ZNF804A: variants seen among roughly 807,000 people sequenced by gnomAD.
The protein encoded by ZNF804A is zinc finger protein 804A.
A neutral mutation model predicts 16.5 loss-of-function variants in ZNF804A; 2 were observed. That is an observed-to-expected ratio of 0.12 (90% confidence interval 0.05 to 0.38). ZNF804A has a LOEUF of 0.38. ZNF804A is among the 10% of genes least tolerant of loss of function. ZNF804A has a pLI of 0.99. For missense variants in ZNF804A, 1,473 were observed against 1,390.7 expected, an observed-to-expected ratio of 1.06 and a Z score of -0.94; for synonymous variants, 534 against 489.6, an observed-to-expected ratio of 1.09 and a Z score of -1.20.
At chr2:184,702,588 C>G (rs1434399774) in intron 1 of ZNF804A, among the ~76,000 whole-genome samples, 1 of 152,036 alleles carries the variant, frequency 6.6e-6, no homozygotes, top group Non-Finnish European at 1.5e-5. Flanking sequence ...AAAATTTTAA[C>G]TACCACCTTG....
chr2:184,705,132 AT>A (rs1291990039), intron 1 of ZNF804A, among the ~76,000 whole-genome samples: 1 of 152,180 alleles, frequency 6.6e-6, no homozygotes, highest in African/African-American at 2.4e-5. Flanking sequence ...TGCCTGGATG[AT>A]AGGAAATATG....
intron 1 of ZNF804A, among the ~76,000 whole-genome samples, chr2:184,812,006 G>C (rs1187234740): frequency 6.6e-6 from 1 of 152,154 alleles, no homozygotes; most frequent in Non-Finnish European, 1.5e-5. Flanking sequence ...ACTTATTGTA[G>C]TTTGAGTTGT....
chr2:184,757,012 G>A (rs553323657), intron 1 of ZNF804A, among the ~76,000 whole-genome samples: 9 of 151,972 alleles, frequency 5.9e-5, no homozygotes, highest in African/African-American at 1.9e-4. Flanking sequence ...TTTCCTCTAC[G>A]TCTGGTTTAA....
chr2:184,600,303 C>A (rs1264788654), intron 1 of ZNF804A, among the ~76,000 whole-genome samples: 1 of 152,154 alleles, frequency 6.6e-6, no homozygotes, highest in Non-Finnish European at 1.5e-5. Flanking sequence ...CATTTAATTT[C>A]ATTCTTTTTA....
chr2:184,837,900 T>C (rs1395261343), intron 1 of ZNF804A, among the ~76,000 whole-genome samples: 1 of 152,108 alleles, frequency 6.6e-6, no homozygotes, highest in African/African-American at 2.4e-5. Flanking sequence ...ACAAGATTTA[T>C]TAGCCTTAGT....
At chr2:184,847,936 G>A (rs529423705) in intron 1 of ZNF804A, among the ~76,000 whole-genome samples, 1 of 152,216 alleles carries the variant, frequency 6.6e-6, no homozygotes, top group East Asian at 1.9e-4. Flanking sequence ...GTATGGGGAA[G>A]GGTTGTGGAG....
intron 2 of ZNF804A, among the ~76,000 whole-genome samples, chr2:184,911,100 T>C (rs2115621): frequency 0.42 from 64,387 of 151,536 alleles, 16,611 homozygotes; most frequent in East Asian, 0.82. Context: ...ACGATTCTTA[T>C]AGTTTGAAGT....
chr2:184,609,271 A>G (rs1691199897), intron 1 of ZNF804A, among the ~76,000 whole-genome samples: 1 of 152,102 alleles, frequency 6.6e-6, no homozygotes, highest in African/African-American at 2.4e-5. Flanking sequence ...ATAGGACTGT[A>G]TGGGCAGCAC....
intron 1 of ZNF804A, among the ~76,000 whole-genome samples, chr2:184,654,880 C>T (rs1213206413): frequency 6.6e-6 from 1 of 152,160 alleles, no homozygotes; most frequent in Non-Finnish European, 1.5e-5. Context: ...AAGGATCTAT[C>T]ATAAAGTACC....
In ZNF804A at chr2:184,715,546, C is replaced by A. The variant is rs867903813; in HGVS notation, c.111+116476C>A. ...AGGACTACAGGCATATGCCACCATG[C>A]TCAGCTGATTTTTTAATTTTTATTT... is the stretch of plus-strand genomic sequence containing the variant. On this transcript the variant is annotated intron_variant, in intron 1 of 3. Coordinates refer to ENST00000302277, the MANE Select transcript of ZNF804A (RefSeq NM_194250.2). Among the ~76,000 whole-genome samples the A allele has an allele frequency of 1.2e-4, 19 of 152,076 alleles. No individual in the cohort carries two copies. The Middle Eastern group carries it at 0.014, about 109-fold the overall frequency.
intron 1 of ZNF804A, among the ~76,000 whole-genome samples, chr2:184,645,145 T>G (rs1691851759): frequency 6.6e-6 from 1 of 152,106 alleles, no homozygotes; most frequent in African/African-American, 2.4e-5. Context: ...CATATTTATT[T>G]TAAAATTAAT....
intron 1 of ZNF804A, among the ~76,000 whole-genome samples, chr2:184,862,868 G>T (rs1239973642): frequency 1.3e-5 from 2 of 151,954 alleles, no homozygotes; most frequent in Non-Finnish European, 2.9e-5. Flanking sequence ...ACACTGACTG[G>T]GATATTTGAT....
At chr2:184,626,207 T>C (rs368435681) in intron 1 of ZNF804A, among the ~76,000 whole-genome samples, 10 of 152,198 alleles carry the variant, frequency 6.6e-5, no homozygotes, top group African/African-American at 2.4e-4. Context: ...ACAGGGCAAT[T>C]TTCCAATTTT....
intron 2 of ZNF804A, among the ~76,000 whole-genome samples, chr2:184,919,325 G>A (rs963407860): frequency 5.9e-5 from 9 of 152,324 alleles, no homozygotes; most frequent in African/African-American, 1.9e-4. Flanking sequence ...TCAGGGGTCA[G>A]TGGTGGTCTC....
intron 1 of ZNF804A, among the ~76,000 whole-genome samples, chr2:184,612,436 T>C (rs1034575117): frequency 6.9e-5 from 7 of 100,922 alleles, no homozygotes; most frequent in Admixed American, 2.9e-4. Context: ...AAAGATGTAA[T>C]TTTTTTTTTT....
intron 1 of ZNF804A, among the ~76,000 whole-genome samples, chr2:184,726,176 G>C (rs1489731510): frequency 6.6e-6 from 1 of 151,642 alleles, no homozygotes; most frequent in Non-Finnish European, 1.5e-5. Context: ...TAGATTGTAT[G>C]CTATGCGTAT....
intron 1 of ZNF804A, among the ~76,000 whole-genome samples, chr2:184,769,895 T>C (rs924486339): frequency 6.6e-6 from 1 of 152,076 alleles, no homozygotes; most frequent in Non-Finnish European, 1.5e-5. Context: ...TTTTTAGAAG[T>C]TGGGCTTGAA....
chr2:184,812,647 C>T (rs188763007), intron 1 of ZNF804A, among the ~76,000 whole-genome samples: 698 of 152,072 alleles, frequency 4.6e-3, no homozygotes, highest in Non-Finnish European at 7.9e-3. Flanking sequence ...TAGGGGTGTG[C>T]GGGCTCTACC....
chr2:184,684,485 AG>A (rs1167740576), intron 1 of ZNF804A, among the ~76,000 whole-genome samples: 2 of 152,230 alleles, frequency 1.3e-5, no homozygotes. Flanking sequence ...TACAGTCTGC[AG>A]TATGTATGGA....
Sources: gnomAD v4.1 joint callset for allele counts (sites outside exome capture counted in the v4.1 genomes callset) on GRCh38, gnomAD v4.1.1 for gene constraint, MANE v1.5 for transcripts, NCBI Gene and HGNC (gene_info 2026-07-23, HGNC 2026-07-21) for gene names.